Variants in SACS observed in about 807,000 individuals in gnomAD.
SACS encodes the protein sacsin molecular chaperone.
A neutral mutation model predicts 348.0 loss-of-function variants in SACS; 197 were observed. The observed-to-expected ratio is 0.57, with a 90% CI of 0.50 to 0.64. The LOEUF (loss-of-function observed/expected upper bound fraction) is 0.64, where lower values mean the gene tolerates loss of function less well. Among genes scored for constraint, SACS ranks in the 30% least tolerant of loss-of-function variants. The pLI, the probability that SACS is intolerant of heterozygous loss-of-function variation, is 0.00. For synonymous variants in SACS, 1,985 were observed against 1,910.6 expected (o/e 1.04, Z -1.02); for missense variants, 4,999 against 5,360.8 (o/e 0.93, Z 2.11).
chr13:23,342,862 T>C (rs1471185472), intron 9 of SACS, among the ~76,000 whole-genome samples: 1 of 152,190 alleles, frequency 6.6e-6, no homozygotes, highest in Non-Finnish European at 1.5e-5. Flanking sequence ...TAAGTACCAT[T>C]TCATCTTTCT....
At chr13:23,420,085 C>T (rs911264141) in intron 1 of SACS, among the ~76,000 whole-genome samples, 1 of 149,718 alleles carries the variant, frequency 6.7e-6, no homozygotes, top group Non-Finnish European at 1.5e-5. Flanking sequence ...CACCGGGGGA[C>T]TGGGTATGTA....
chr13:23,340,030 T>G lies in SACS; in HGVS notation c.3846A>C (p.Lys1282Asn). Residue 1282 changes from lysine (K) to asparagine (N), a missense_variant, in exon 10 of 10, where the codon AAA becomes AAC. Around this residue, in one of 6 missense-constraint regions of SACS, gnomAD observed 3,156 missense variants for 3,380.1 expected, o/e 0.93. Coordinates refer to ENST00000382292, the MANE Select transcript of SACS (RefSeq NM_014363.6). ...ALKFPWVWTG[K>N]KFCPLAQAVI... ...CAGCCTGGGCAAGTGGACAAAACTTTTTGCCAGTCCAAACCCATGGAAATT... is the reference window on the plus strand; with the variant it reads ...CAGCCTGGGCAAGTGGACAAAACTTGTTGCCAGTCCAAACCCATGGAAATT... 2 of 1,613,806 alleles carry G rather than the reference T, an allele frequency of 1.2e-6. No homozygotes were observed. The highest frequency in any genetic ancestry group is 1.7e-6 in the Non-Finnish European group (2 of 1,179,890).
rs371034856 is a variant in SACS at position 23,406,945 on chromosome 13, A to G, written c.20+4275T>C. 9.9e-5 allele frequency among the ~76,000 whole-genome samples: 15 copies of G among 152,234 alleles called. No individual in the cohort carries two copies. In the South Asian group the frequency reaches 1.7e-3, roughly 17 times the overall value. ...TAGATGTGTTCACTGTCTTTGAGCT[A>G]TTTTTCACCTCTTTGCAAATTAAAG... On this transcript the variant is annotated intron_variant, in intron 2 of 9. Coordinates refer to ENST00000382292, the MANE Select transcript of SACS (RefSeq NM_014363.6).
intron 2 of SACS, among the ~76,000 whole-genome samples, chr13:23,388,465 A>G (rs1003320829): frequency 7.2e-5 from 10 of 138,096 alleles, no homozygotes; most frequent in African/African-American, 2.7e-4. Flanking sequence ...ATATATATAA[A>G]ATATAAAAAT....
rs147279872 is a variant in SACS at position 23,370,958 on chromosome 13, C to T, written c.259+120G>A. ...GGTGAGCTGAGATTGTGCCACTGCA[C>T]TCCAGCCTGGGCGATAGGGCGAGAC... is the stretch of plus-strand genomic sequence containing the variant. On this transcript the variant is annotated intron_variant, in intron 4 of 9. Transcript: ENST00000382292. The T allele has an allele frequency of 1.5e-3, 804 of 545,702 alleles. 17 individuals are homozygous for T. In the East Asian group the frequency reaches 0.025, roughly 17 times the overall value. 33.8% of individuals were successfully genotyped at this position (545,702 alleles called of 1,614,324 possible). A position where few individuals can be genotyped will look rare whatever the true frequency, so the allele number is the denominator to read the frequency against.
In SACS at chr13:23,336,184, C is replaced by T. The variant is rs771924997; in HGVS notation, c.7692G>A (p.Val2564=). Residue 2564 remains valine, a synonymous_variant, in exon 10 of 10, where the codon GTG becomes GTA. Transcript: ENST00000382292. The part of the protein sequence containing the change: ...DDAKATEICF[V]FDPRQHPVDR... ...CAACTGGATGCTGTCTAGGATCAAA[C>T]ACAAAACAGATTTCTGTCGCCTTTG... The T allele has an allele frequency of 1.6e-5, 26 of 1,613,934 alleles. No individual in the cohort carries two copies. Among genetic ancestry groups the T allele is most frequent in the Non-Finnish European group, 2.2e-5 (26 of 1,179,956 alleles).
In SACS at chr13:23,355,457, C is replaced by T. The variant is rs1489092168; in HGVS notation, c.1155G>A (p.Lys385=). The T allele has an allele frequency of 6.2e-7, 1 of 1,614,094 alleles. No individual in the cohort carries two copies. The change falls in exon 8 of 10, where the codon AAG becomes AAA. Residue 385 remains lysine (K), a synonymous_variant. Coordinates refer to ENST00000382292, the MANE Select transcript of SACS (RefSeq NM_014363.6). ...VNIVLEEEST[K]DAQKTSWLVC... ...CCAACCAAGATGTTTTCTGTGCATC[C>T]TTAGTACTCTCCTCTTCTAAAACAA...
rs1050711081 is a variant in SACS, at chr13:23,331,169, A to G, written c.12707T>C (p.Ile4236Thr). 1 of 1,613,864 alleles carries G rather than the reference A, an allele frequency of 6.2e-7. No homozygotes were observed. Among genetic ancestry groups the G allele is most frequent in the East Asian group, 2.2e-5 (1 of 44,886 alleles). Residue 4236 changes from isoleucine (I) to threonine (T), a missense_variant, in exon 10 of 10, where the codon ATA becomes ACA. By Grantham distance (89) the Ile-to-Thr change is moderately conservative. Coordinates refer to ENST00000382292, the MANE Select transcript of SACS (RefSeq NM_014363.6). The part of the protein sequence containing the change: ...QIDIGYSEYK[I>T]VSSLDLYKFS... ...CTTATACAGATCAAGAGAGCTAACT[A>G]TTTTATATTCACTATAACCAATATC...
Position 23,339,468 on chromosome 13 carries a change from C to A in SACS, c.4408G>T (p.Glu1470Ter). The A allele has an allele frequency of 6.2e-7, 1 of 1,605,986 alleles. No individual in the cohort carries two copies. Among genetic ancestry groups the A allele is most frequent in the East Asian group, 2.2e-5 (1 of 44,768 alleles). ...AAAATATCTGACACTGAAGGGTATT[C>A]TTCCAGAATATTTTTAATTCTTACA... ...LTVRIKNILE[E>*]YPSVSDIFKE... is the part of the protein sequence containing the mutation. Residue 1470 changes from glutamate to a stop codon, truncating the protein, a stop_gained, in exon 10 of 10, where the codon GAA (glutamate) becomes TAA (stop). Transcript: ENST00000382292. LOFTEE classifies it high-confidence loss of function.
At chr13:23,397,746 CTG>C (rs1392770341) in intron 2 of SACS, among the ~76,000 whole-genome samples, 3 of 152,182 alleles carry the variant, frequency 2.0e-5, no homozygotes, top group Non-Finnish European at 4.4e-5. Flanking sequence ...GAGTCAAACT[CTG>C]TAAAATATTT....
In SACS at chr13:23,355,012, G is replaced by C. The variant is rs779909525; in HGVS notation, c.1600C>G (p.Leu534Val). The change falls in exon 8 of 10, where the codon CTT becomes GTT. Residue 534 changes from leucine to valine, a missense_variant. Leu to Val is a conservative substitution (Grantham distance 32, BLOSUM62 1). Around this residue, in one of 6 missense-constraint regions of SACS, gnomAD observed 3,156 missense variants for 3,380.1 expected, o/e 0.93. Transcript: ENST00000382292. Reference protein sequence around the residue: ...FPLSVDVIYKLWPEASKVKVH... With the variant: ...FPLSVDVIYKVWPEASKVKVH... ...TTGACTTTGCTCGCCTCCGGCCAAA[G>C]CTTATAGATAACATCAACTGACAAG... The C allele has an allele frequency of 5.6e-6, 9 of 1,614,106 alleles. No homozygotes were observed. In the South Asian group the frequency reaches 6.6e-5, roughly 12 times the overall value.
chr13:23,398,300 A>T (rs1872792142), intron 2 of SACS, among the ~76,000 whole-genome samples: 1 of 152,080 alleles, frequency 6.6e-6, no homozygotes, highest in Non-Finnish European at 1.5e-5. Flanking sequence ...CGGGAGGCCA[A>T]GGTGGGCAGA....
chr13:23,354,444 A>G (rs902603209), intron 8 of SACS, 75 bp downstream of exon 8: 2 of 1,305,688 alleles, frequency 1.5e-6, no homozygotes, highest in South Asian at 2.4e-5. Flanking sequence ...GAATTTCACA[A>G]CAAAGGACTC....
chr13:23,422,323 A>G (rs1252391908), intron 1 of SACS, among the ~76,000 whole-genome samples: 3 of 152,244 alleles, frequency 2.0e-5, no homozygotes, highest in African/African-American at 7.2e-5. Context: ...CACTGAATGT[A>G]ACCTGTGTTT....
chr13:23,406,803 A>C (rs1873242462), intron 2 of SACS, among the ~76,000 whole-genome samples: 1 of 152,204 alleles, frequency 6.6e-6, no homozygotes, highest in African/African-American at 2.4e-5. Flanking sequence ...ATGAAACCAG[A>C]CATTTTGTCA....
intron 9 of SACS, among the ~76,000 whole-genome samples, chr13:23,342,918 T>C (rs1010550222): frequency 1.3e-5 from 2 of 152,258 alleles, no homozygotes; most frequent in African/African-American, 4.8e-5. Context: ...GATGAGATTC[T>C]AGATCTAAAG....
chr13:23,376,244 A>G (rs1871795639), intron 2 of SACS, among the ~76,000 whole-genome samples: 1 of 152,214 alleles, frequency 6.6e-6, no homozygotes, highest in Non-Finnish European at 1.5e-5. Context: ...GAAAGCAGGA[A>G]CATGAGTCTT....
intron 1 of SACS, chr13:23,428,016 G>A (rs1308095721): frequency 2.0e-5 from 3 of 152,120 alleles, no homozygotes; most frequent in East Asian, 3.8e-4. Context: ...CAGTGCTGCC[G>A]TGTTCACAGA....
chr13:23,400,794 C>A (rs1872942535), intron 2 of SACS, among the ~76,000 whole-genome samples: 1 of 152,184 alleles, frequency 6.6e-6, no homozygotes, highest in Admixed American at 6.5e-5. Context: ...AATGTTCAAA[C>A]CTCTTGATAT....
Sources: gnomAD v4.1 joint callset for allele counts (sites outside exome capture counted in the v4.1 genomes callset) on GRCh38, gnomAD v4.1.1 for gene constraint, gnomAD v4.1.1 regional missense constraint, MANE v1.5 for transcripts, NCBI Gene and HGNC (gene_info 2026-07-23, HGNC 2026-07-21) for gene names.